The following FXR2 variants were observed in gnomAD, a reference collection of about 807,000 sequenced individuals.
FXR2 encodes the protein FMR1 autosomal homolog 2, also known as RNA-binding protein FXR2.
Under a neutral mutation model 87.3 loss-of-function variants are expected in FXR2, and 9 were observed. That is an observed-to-expected ratio of 0.10 (90% confidence interval 0.06 to 0.18). The LOEUF (loss-of-function observed/expected upper bound fraction) is 0.18. Ranked by LOEUF, FXR2 falls within the 10% of genes least tolerant of loss-of-function variation. FXR2 has a pLI of 1.00. For synonymous variants in FXR2, 331 were observed against 328.3 expected (o/e 1.01, Z -0.09); for missense variants, 661 against 893.6 (o/e 0.74, Z 3.32).
rs1287230681 is a variant in FXR2, at chr17:7,591,820, G to A, written c.*10C>T. The A allele has an allele frequency of 1.4e-6, 2 of 1,411,174 alleles. No homozygotes were observed. The highest frequency in any genetic ancestry group is 1.1e-5 in the South Asian group (1 of 87,128). 87.4% of individuals were successfully genotyped at this position (1,411,174 alleles called of 1,614,324 possible). A position where few individuals can be genotyped will look rare whatever the true frequency, so the allele number is the denominator to read the frequency against. ...CGAGATGGAGAAGGGAGGGGTGCAG[G>A]TTGGAGGTTTTATGAAACCCCATTC... On this transcript the variant is annotated 3_prime_UTR_variant, in exon 17 of 17. Transcript: ENST00000250113. This position sits in a 1 kb window ranked among gnomAD's most constrained non-coding sequence, Gnocchi z 4.0.
Position 7,594,102 on chromosome 17 carries a change from A to T in FXR2, c.1021-98T>A. 1.1e-6 allele frequency: 1 copy of T among 927,144 alleles called. No homozygotes were observed. Among genetic ancestry groups the T allele is most frequent in the Non-Finnish European group, 1.8e-6 (1 of 563,106 alleles). 57.4% of individuals were successfully genotyped at this position (927,144 alleles called of 1,614,324 possible). ...CTAGGGGAGCCTGCCCAGTGGGATCATTCTGGGCTCTAAATCTACTAGTGT... is the reference window on the plus strand; with the variant it reads ...CTAGGGGAGCCTGCCCAGTGGGATCTTTCTGGGCTCTAAATCTACTAGTGT... On this transcript the variant is annotated intron_variant, in intron 10 of 16. Coordinates refer to ENST00000250113, the MANE Select transcript of FXR2 (RefSeq NM_004860.4). This position sits in a 1 kb window ranked among gnomAD's most constrained non-coding sequence, Gnocchi z 5.1.
In FXR2 at chr17:7,592,750, G is replaced by A. The variant is rs2071674806; in HGVS notation, c.1673C>T (p.Thr558Ile). Residue 558 changes from threonine (T) to isoleucine (I), a missense_variant, in exon 14 of 17, where the codon ACC (threonine) becomes ATC (isoleucine). Coordinates refer to ENST00000250113, the MANE Select transcript of FXR2 (RefSeq NM_004860.4). This position sits in a 1 kb window ranked among gnomAD's most constrained non-coding sequence, Gnocchi z 4.8. ...SRRRRTDEDR[T>I]VMDGGLESDG... ...TGATTCCAGGCCTCCATCCATGACG[G>A]TCCTGTCTTCATCAGTGCGGCGGCG... 1 of 1,613,744 alleles carries A rather than the reference G, an allele frequency of 6.2e-7. No homozygotes were observed. The highest frequency in any genetic ancestry group is 2.2e-5 in the East Asian group (1 of 44,834).
rs2071756146 is a variant in FXR2 at position 7,601,591 on chromosome 17, G to A, written c.544-66C>T. On this transcript the variant is annotated intron_variant, in intron 6 of 16. Transcript: ENST00000250113. ...GAATAAACACTAAGGGAGAGCCAGG[G>A]ACTAGAAATCAGGATGCCTAAGTCC... 9.3e-6 allele frequency: 9 copies of A among 964,060 alleles called. No homozygotes were observed. The East Asian group carries it at 2.2e-4, about 23-fold the overall frequency. The allele number at this position is 964,060 out of a possible 1,614,324, so 59.7% of individuals were successfully genotyped here.
intron 7 of FXR2, among the ~76,000 whole-genome samples, chr17:7,597,486 T>C (rs1202808190): frequency 2.0e-5 from 3 of 151,934 alleles, no homozygotes; most frequent in Admixed American, 6.6e-5. Context: ...GGGTTTTCTT[T>C]TTTTTTTTTC....
In FXR2 at chr17:7,614,740, G is replaced by A; in HGVS notation, c.-208C>T. 1 of 254,864 alleles carries A rather than the reference G, an allele frequency of 3.9e-6. No homozygotes were observed. The highest frequency in any genetic ancestry group is 7.3e-6 in the Non-Finnish European group (1 of 136,736). The allele number at this position is 254,864 out of a possible 1,614,324, so 15.8% of individuals were successfully genotyped here. On this transcript the variant is annotated 5_prime_UTR_variant, in exon 1 of 17. Transcript: ENST00000250113. Reference sequence around the variant, plus strand: ...GCTCCCCGTCCGCCGCCGCCGCCTTGGTCTCCGCCACCGTGAGGGAAACGG... The same window carrying A: ...GCTCCCCGTCCGCCGCCGCCGCCTTAGTCTCCGCCACCGTGAGGGAAACGG...
chr17:7,593,696 C>T lies in FXR2; in HGVS notation c.1108-71G>A. On this transcript the variant is annotated intron_variant, in intron 11 of 16. Transcript: ENST00000250113. The surrounding 1 kb of genome is among the most constrained non-coding windows in gnomAD (Gnocchi z 6.1). ...GTGCCTTGCTTCATGCTTCTGCACC[C>T]TGACTGTCCCTCTATATCTAACCTC... 9.5e-7 allele frequency: 1 copy of T among 1,057,962 alleles called. No individual in the cohort carries two copies. The allele number at this position is 1,057,962 out of a possible 1,614,324, so 65.5% of individuals were successfully genotyped here. A position where few individuals can be genotyped will look rare whatever the true frequency, so the allele number is the denominator to read the frequency against.
intron 3 of FXR2, 109 bp downstream of exon 3, chr17:7,605,536 A>G: frequency 4.6e-6 from 3 of 652,298 alleles, no homozygotes; most frequent in Admixed American, 5.1e-5. Flanking sequence ...CATAGGCTAC[A>G]TGGCTGGATA....
At chr17:7,610,791 TC>T (rs2071857193) in intron 1 of FXR2, among the ~76,000 whole-genome samples, 1 of 152,144 alleles carries the variant, frequency 6.6e-6, no homozygotes, top group South Asian at 2.1e-4. Context: ...GCCACCTAGA[TC>T]CAGAGGATAA....
At chr17:7,599,592 T>G (rs1047754327) in intron 7 of FXR2, among the ~76,000 whole-genome samples, 3 of 151,996 alleles carry the variant, frequency 2.0e-5, no homozygotes, top group Non-Finnish European at 2.9e-5. Flanking sequence ...AATACTCTAG[T>G]CAGGCCAGGC....
chr17:7,603,088 T>TAC (rs1366765854), intron 5 of FXR2, 86 bp from the exon 6 acceptor site: 2 of 698,252 alleles, frequency 2.9e-6, no homozygotes, highest in Non-Finnish European at 5.1e-6. Flanking sequence ...GGTTTGCACC[T>TAC]GTAATCCTAG....
At chr17:7,609,980 A>ATGTATGTATATATATACATGTATG (rs369176442) in intron 1 of FXR2, among the ~76,000 whole-genome samples, 1 of 60,730 alleles carries the variant, frequency 1.6e-5, no homozygotes, top group Non-Finnish European at 4.1e-5. Context: ...ATATGTATAC[A>ATGTATGTATATATATACATGTATG]TATATATATA....
At chr17:7,610,018 A>G (rs563943165) in intron 1 of FXR2, among the ~76,000 whole-genome samples, 1 of 136,086 alleles carries the variant, frequency 7.3e-6, no homozygotes, top group Non-Finnish European at 1.6e-5. Context: ...ATATATATAC[A>G]TGTATATGTA....
At position 7,605,626 on chromosome 17, in the gene FXR2, T is replaced by C. The variant is rs1431145731; in HGVS notation, c.228+19A>G. On this transcript the variant is annotated intron_variant, in intron 3 of 16. Transcript: ENST00000250113. ...TGGGGAAAAGTGACATTTAGAAAGGTGTACTCCACAGCCCTTACCTCCACT... is the reference window on the plus strand; with the variant it reads ...TGGGGAAAAGTGACATTTAGAAAGGCGTACTCCACAGCCCTTACCTCCACT... The C allele has an allele frequency of 3.3e-6, 4 of 1,209,584 alleles. No individual in the cohort carries two copies. Among genetic ancestry groups the C allele is most frequent in the Non-Finnish European group, 4.9e-6 (4 of 816,166 alleles). 74.9% of individuals were successfully genotyped at this position (1,209,584 alleles called of 1,614,324 possible).
rs186859772 is a variant in FXR2 at position 7,609,828 on chromosome 17, G to C, written c.82-3679C>G. Among the ~76,000 whole-genome samples the C allele has an allele frequency of 3.1e-3, 471 of 150,902 alleles. 1 individual carries two copies. Among genetic ancestry groups the C allele is most frequent in the African/African-American group, 0.011 (451 of 41,050 alleles). ...AGATCAGCTGAGGCCAGGAGTTCGA[G>C]ACCAGTCTGGCCAATATGGCAAAAC... is the stretch of plus-strand genomic sequence containing the variant. On this transcript the variant is annotated intron_variant, in intron 1 of 16. Coordinates refer to ENST00000250113, the MANE Select transcript of FXR2 (RefSeq NM_004860.4).
chr17:7,601,907 C>T (rs1275979220), intron 6 of FXR2, among the ~76,000 whole-genome samples: 2 of 150,990 alleles, frequency 1.3e-5, no homozygotes, highest in African/African-American at 2.4e-5. Flanking sequence ...AGCCTGGTGA[C>T]AGAACAATAC....
chr17:7,596,016 G>C, intron 7 of FXR2, 22 bp from the exon 8 acceptor site: 3 of 1,599,350 alleles, frequency 1.9e-6, no homozygotes, highest in Admixed American at 1.7e-5. Context: ...AGTCACTGTA[G>C]GAATCATGGT....
chr17:7,602,247 C>T (rs1441302261), intron 6 of FXR2, among the ~76,000 whole-genome samples: 1 of 151,950 alleles, frequency 6.6e-6, no homozygotes, highest in Admixed American at 6.6e-5. Flanking sequence ...TATGGTGAAA[C>T]CCTGTTTCTA....
intron 1 of FXR2, among the ~76,000 whole-genome samples, chr17:7,609,932 A>T (rs1005427922): frequency 1.0e-5 from 1 of 97,166 alleles, no homozygotes; most frequent in African/African-American, 4.5e-5. Context: ...ATGTATATGT[A>T]TATATATACA....
chr17:7,598,438 G>A (rs2071725711), intron 7 of FXR2, among the ~76,000 whole-genome samples: 1 of 152,202 alleles, frequency 6.6e-6, no homozygotes, highest in South Asian at 2.1e-4. Context: ...CTGGGTGACA[G>A]AGCGAGACTC....
Sources: allele counts gnomAD v4.1 joint callset (sites outside exome capture counted in the v4.1 genomes callset), GRCh38; gene constraint gnomAD v4.1.1; non-coding constraint Gnocchi (gnomAD v3.1); transcripts MANE v1.5; gene names NCBI Gene and HGNC (gene_info 2026-07-23, HGNC 2026-07-21).